OSBP2: variants seen among roughly 807,000 people sequenced by gnomAD.
OSBP2 encodes the protein oxysterol binding protein 2.
A neutral mutation model predicts 96.0 loss-of-function variants in OSBP2; 66 were observed. The ratio of observed to expected loss-of-function variants is 0.69; its 90% CI spans 0.56 to 0.84. OSBP2 has a LOEUF of 0.84. Among genes scored for constraint, OSBP2 ranks in the 40% least tolerant of loss-of-function variants. The pLI, the probability that OSBP2 is intolerant of heterozygous loss-of-function variation, is 0.00. For missense variants in OSBP2, 1,038 were observed against 1,222.7 expected (o/e 0.85, Z 2.25); for synonymous variants, 525 against 520.9 (o/e 1.01, Z -0.11).
At chr22:30,857,437 A>T (rs1425269738) in intron 2 of OSBP2, among the ~76,000 whole-genome samples, 1 of 152,188 alleles carries the variant, frequency 6.6e-6, no homozygotes, top group African/African-American at 2.4e-5. Flanking sequence ...TCTGCAGCGC[A>T]TTTGGGTGGG....
At chr22:30,877,459 T>C (rs1277299182) in intron 3 of OSBP2, among the ~76,000 whole-genome samples, 1 of 152,192 alleles carries the variant, frequency 6.6e-6, no homozygotes, top group East Asian at 1.9e-4. Flanking sequence ...GCGTCCTCCC[T>C]GAGCACCAGG....
chr22:30,736,490 C>G (rs560469761), intron 1 of OSBP2, among the ~76,000 whole-genome samples: 2 of 152,188 alleles, frequency 1.3e-5, no homozygotes, highest in Admixed American at 1.3e-4. Context: ...AATCCCTGAC[C>G]CTGGGCAGAT....
intron 1 of OSBP2, among the ~76,000 whole-genome samples, chr22:30,715,226 T>C (rs2089429285): frequency 6.6e-6 from 1 of 152,154 alleles, no homozygotes; most frequent in African/African-American, 2.4e-5. Context: ...TTCCAGTTTC[T>C]CTACGTCCTT....
intron 1 of OSBP2, among the ~76,000 whole-genome samples, chr22:30,736,018 A>G (rs1202451058): frequency 6.7e-6 from 1 of 148,924 alleles, no homozygotes; most frequent in Non-Finnish European, 1.5e-5. Flanking sequence ...GGTTCAAGTG[A>G]TTTTCATGCC....
Position 30,890,948 on chromosome 22 carries a change from T to A in OSBP2, c.1844T>A (p.Met615Lys). 6.2e-7 allele frequency: 1 copy of A among 1,609,892 alleles called. No homozygotes were observed. Among genetic ancestry groups the A allele is most frequent in the Non-Finnish European group, 8.5e-7 (1 of 1,179,984 alleles). The change falls in exon 8 of 14, where the codon ATG (methionine) becomes AAG (lysine). Residue 615 changes from methionine (M) to lysine (K), a missense_variant. This residue lies in a region of OSBP2 where 737 missense variants were observed against 913.3 expected (regional missense o/e 0.81). Coordinates refer to ENST00000332585, the MANE Select transcript of OSBP2 (RefSeq NM_030758.4). This position sits in a 1 kb window ranked among gnomAD's most constrained non-coding sequence, Gnocchi z 4.4. ...ETFELDRLDD[M>K]GLRSLCEQVS... Reference sequence around the variant, plus strand: ...TTCGAGCTGGACCGCCTCGACGACATGGGCCTGCGCTCCCTCTGTGAGCAG... The same window carrying A: ...TTCGAGCTGGACCGCCTCGACGACAAGGGCCTGCGCTCCCTCTGTGAGCAG...
intron 1 of OSBP2, among the ~76,000 whole-genome samples, chr22:30,699,073 C>G (rs1772019526): frequency 6.6e-6 from 1 of 152,100 alleles, no homozygotes; most frequent in African/African-American, 2.4e-5. Flanking sequence ...TCCTGAGTAG[C>G]TGGGATCACA....
intron 2 of OSBP2, among the ~76,000 whole-genome samples, chr22:30,746,419 G>GTC (rs1435084973): frequency 6.8e-6 from 1 of 146,142 alleles, no homozygotes; most frequent in Non-Finnish European, 1.5e-5. Flanking sequence ...GTGAGACCCT[G>GTC]TCTCAAAAAA....
chr22:30,877,242 G>T (rs866112566), intron 3 of OSBP2, among the ~76,000 whole-genome samples: 1 of 152,156 alleles, frequency 6.6e-6, no homozygotes. Context: ...TCCCTAGTGG[G>T]TAATTTTTTT....
intron 2 of OSBP2, among the ~76,000 whole-genome samples, chr22:30,816,299 G>T (rs994951609): frequency 6.6e-6 from 1 of 152,024 alleles, no homozygotes; most frequent in Non-Finnish European, 1.5e-5. Context: ...CATTGAAGAC[G>T]AAATAAATGG....
intron 2 of OSBP2, among the ~76,000 whole-genome samples, chr22:30,824,351 G>A (rs149888707): frequency 1.4e-3 from 218 of 152,308 alleles, no homozygotes; most frequent in African/African-American, 5.1e-3. Context: ...CCAGCGGCGA[G>A]TGCAGCAGTC....
intron 2 of OSBP2, among the ~76,000 whole-genome samples, chr22:30,837,814 C>A (rs1322677491): frequency 6.6e-6 from 1 of 152,158 alleles, no homozygotes; most frequent in Non-Finnish European, 1.5e-5. Flanking sequence ...GTCTTGGTTG[C>A]TTCCTTTGCA....
At chr22:30,816,252 A>G (rs1379064067) in intron 2 of OSBP2, among the ~76,000 whole-genome samples, 5 of 152,218 alleles carry the variant, frequency 3.3e-5, no homozygotes, top group Non-Finnish European at 7.3e-5. Flanking sequence ...TGTATTTTCA[A>G]TTCCTTTTGT....
intron 2 of OSBP2, among the ~76,000 whole-genome samples, chr22:30,819,324 G>A (rs2091119726): frequency 6.6e-6 from 1 of 152,154 alleles, no homozygotes; most frequent in Admixed American, 6.6e-5. Flanking sequence ...GACAGAGGGA[G>A]ACTCTGAAAA....
chr22:30,699,190 C>T (rs1048531731), intron 1 of OSBP2, among the ~76,000 whole-genome samples: 10 of 152,092 alleles, frequency 6.6e-5, no homozygotes, highest in Admixed American at 3.3e-4. Context: ...AGTGATCCAC[C>T]CCCTTCAGCC....
chr22:30,853,547 T>A (rs950996552), intron 2 of OSBP2, among the ~76,000 whole-genome samples: 1 of 152,202 alleles, frequency 6.6e-6, no homozygotes, highest in African/African-American at 2.4e-5. Context: ...AAAGGAGTTT[T>A]ATTCTTGTTA....
intron 1 of OSBP2, among the ~76,000 whole-genome samples, chr22:30,730,796 ATATATATATATAAT>A (rs1300707744): frequency 7.8e-5 from 4 of 51,484 alleles, no homozygotes; most frequent in African/African-American, 3.1e-4. Flanking sequence ...ATATATATAT[ATATATATATATAAT>A]TTTTTTTTTT....
chr22:30,773,424 A>G (rs1305762797), intron 2 of OSBP2, among the ~76,000 whole-genome samples: 1 of 152,014 alleles, frequency 6.6e-6, no homozygotes, highest in Non-Finnish European at 1.5e-5. Context: ...AGTGCTATAC[A>G]ACTCCTTCAT....
At chr22:30,708,899 G>A (rs973166137) in intron 1 of OSBP2, among the ~76,000 whole-genome samples, 6 of 151,520 alleles carry the variant, frequency 4.0e-5, no homozygotes, top group African/African-American at 7.3e-5. Context: ...TCAGGAGTTC[G>A]AGACCAGCCT....
intron 2 of OSBP2, among the ~76,000 whole-genome samples, chr22:30,790,710 T>C (rs2090662984): frequency 6.6e-6 from 1 of 151,384 alleles, no homozygotes; most frequent in Admixed American, 6.6e-5. Context: ...ATTTTTTTGA[T>C]ATGTGGTAAT....
Sources: gnomAD v4.1 joint callset for allele counts (sites outside exome capture counted in the v4.1 genomes callset) on GRCh38, gnomAD v4.1.1 for gene constraint, gnomAD v4.1.1 regional missense constraint, Gnocchi (gnomAD v3.1) non-coding constraint, MANE v1.5 for transcripts, NCBI Gene and HGNC (gene_info 2026-07-23, HGNC 2026-07-21) for gene names.